The following PTPRK variants were observed in gnomAD, a reference collection of about 807,000 sequenced individuals.
PTPRK encodes the protein protein tyrosine phosphatase receptor type K.
Under a neutral mutation model 178.0 loss-of-function variants are expected in PTPRK, and 75 were observed. The ratio of observed to expected loss-of-function variants is 0.42; its 90% confidence interval spans 0.35 to 0.51. PTPRK has a LOEUF of 0.51. Among genes scored for constraint, PTPRK ranks in the 20% least tolerant of loss-of-function variants. PTPRK has a pLI of 0.02. For synonymous variants in PTPRK, 637 were observed against 620.6 expected (o/e 1.03, Z -0.39); for missense variants, 1,441 against 1,797.8 (o/e 0.80, Z 3.59).
chr6:128,204,018 C>T (rs1390192753), intron 6 of PTPRK, among the ~76,000 whole-genome samples: 1 of 152,204 alleles, frequency 6.6e-6, no homozygotes, highest in Admixed American at 6.5e-5. Flanking sequence ...TACCCAACTT[C>T]TAGCTACAGT....
At chr6:128,149,449 T>G (rs1318756853) in intron 7 of PTPRK, among the ~76,000 whole-genome samples, 1 of 152,174 alleles carries the variant, frequency 6.6e-6, no homozygotes, top group Non-Finnish European at 1.5e-5. Flanking sequence ...TTTTAACTTT[T>G]GAATAGTTGT....
chr6:128,299,274 T>C (rs1309594083), intron 3 of PTPRK, among the ~76,000 whole-genome samples: 1 of 150,186 alleles, frequency 6.7e-6, no homozygotes, highest in Admixed American at 6.6e-5. Context: ...AGAATCAATA[T>C]CATGAAAATG....
chr6:128,493,987 T>C (rs1355313451), intron 1 of PTPRK, among the ~76,000 whole-genome samples: 3 of 152,176 alleles, frequency 2.0e-5, no homozygotes, highest in East Asian at 1.9e-4. Flanking sequence ...AAGCCTAACA[T>C]AGTGCTGGTA....
In PTPRK at chr6:128,397,622, T is replaced by C; in HGVS notation, c.167A>G (p.Glu56Gly). The C allele has an allele frequency of 6.2e-7, 1 of 1,613,812 alleles. No individual in the cohort carries two copies. Among genetic ancestry groups the C allele is most frequent in the Middle Eastern group, 1.6e-4 (1 of 6,062 alleles). ...DYHQDLYDDF[E>G]WVHVSAQEPH... is the part of the protein sequence containing the mutation. ...CTCTTGAGCACTAACATGCACCCAT[T>C]CAAAGTCATCATACAGATCCTGGTG... is the stretch of plus-strand genomic sequence containing the variant. Residue 56 changes from glutamate to glycine, a missense_variant, in exon 2 of 30, where the codon GAA (glutamate) becomes GGA (glycine). Physicochemically the swap from Glu to Gly is moderately conservative, Grantham distance 98. This residue lies in a region of PTPRK where 158 missense variants were observed against 188.0 expected (regional missense o/e 0.84). Transcript: ENST00000368226.
At chr6:128,399,343 A>C (rs956485926) in intron 1 of PTPRK, among the ~76,000 whole-genome samples, 1 of 152,232 alleles carries the variant, frequency 6.6e-6, no homozygotes, top group South Asian at 2.1e-4. Context: ...ACAAGCTCTG[A>C]AATCTTTTCC....
intron 3 of PTPRK, among the ~76,000 whole-genome samples, chr6:128,268,847 C>T (rs1484759180): frequency 6.6e-6 from 1 of 151,986 alleles, no homozygotes; most frequent in Non-Finnish European, 1.5e-5. Context: ...TATATATTCT[C>T]TTAAGATAAA....
rs137952978 is a variant in PTPRK at position 128,224,217 on chromosome 6, C to T, written c.694-5121G>A. The stretch of plus-strand genomic sequence containing the variant: ...TAGCACTACTTTTTTTACCTGCTTT[C>T]CATCCCGCCCTCCAATCCATCTCAG... On this transcript the variant is annotated intron_variant, in intron 5 of 29. Transcript: ENST00000368226. Among the ~76,000 whole-genome samples, 21 of 152,220 alleles carry T rather than the reference C, an allele frequency of 1.4e-4. No homozygotes were observed. In the East Asian group the frequency reaches 2.7e-3, roughly 20 times the overall value.
intron 7 of PTPRK, among the ~76,000 whole-genome samples, chr6:128,178,318 C>A (rs560705298): frequency 6.6e-6 from 1 of 151,798 alleles, no homozygotes; most frequent in Non-Finnish European, 1.5e-5. Context: ...TGCAGTCCTG[C>A]GTGTGGCGAT....
At chr6:128,067,912 T>G (rs1782112966) in intron 11 of PTPRK, 120 bp from the exon 12 acceptor site, 1 of 992,172 alleles carries the variant, frequency 1.0e-6, no homozygotes, top group Non-Finnish European at 1.4e-6. Flanking sequence ...GTATTTAAAG[T>G]TAGTCTTAAC....
chr6:128,110,337 A>G (rs918150677), intron 7 of PTPRK, among the ~76,000 whole-genome samples: 1 of 152,178 alleles, frequency 6.6e-6, no homozygotes, highest in African/African-American at 2.4e-5. Context: ...AATGCTAGAC[A>G]TTGTCTAATG....
chr6:128,438,082 T>C (rs899745328), intron 1 of PTPRK, among the ~76,000 whole-genome samples: 1 of 152,136 alleles, frequency 6.6e-6, no homozygotes, highest in Non-Finnish European at 1.5e-5. Flanking sequence ...TGAAAAAATA[T>C]CCGGGTATAT....
chr6:128,254,496 C>T (rs528607864), intron 3 of PTPRK, among the ~76,000 whole-genome samples: 63 of 152,150 alleles, frequency 4.1e-4, no homozygotes, highest in African/African-American at 1.5e-3. Context: ...CACAAATATG[C>T]ATATCTATAT....
chr6:128,228,543 C>T (rs1358386437), intron 5 of PTPRK, among the ~76,000 whole-genome samples: 3 of 149,938 alleles, frequency 2.0e-5, no homozygotes, highest in African/African-American at 7.3e-5. Context: ...GCCTGTAGTT[C>T]CAGCTACTCG....
intron 2 of PTPRK, among the ~76,000 whole-genome samples, chr6:128,333,502 G>C (rs1453622610): frequency 6.6e-6 from 1 of 150,578 alleles, no homozygotes; most frequent in Non-Finnish European, 1.5e-5. Flanking sequence ...AGGTATATAA[G>C]ATATATAAAA....
At chr6:128,067,368 A>C in intron 12 of PTPRK, 151 bp downstream of exon 12, 1 of 812,556 alleles carries the variant, frequency 1.2e-6, no homozygotes, top group Non-Finnish European at 1.7e-6. Context: ...CTGTAGCCCC[A>C]AAACTGCGCA....
intron 2 of PTPRK, among the ~76,000 whole-genome samples, chr6:128,392,838 A>C (rs550629365): frequency 1.3e-5 from 2 of 152,336 alleles, no homozygotes; most frequent in South Asian, 4.1e-4. Context: ...GGTAATATTT[A>C]TAAAGACTAA....
At chr6:128,514,616 C>T (rs965549681) in intron 1 of PTPRK, among the ~76,000 whole-genome samples, 7 of 152,248 alleles carry the variant, frequency 4.6e-5, no homozygotes, top group Non-Finnish European at 7.4e-5. Flanking sequence ...AGTGGAAACA[C>T]GGATTATTCC....
rs536779688 is a variant in PTPRK at position 128,253,259 on chromosome 6, A to G, written c.496-10657T>C. Among the ~76,000 whole-genome samples, 3 of 152,358 alleles carry G rather than the reference A, an allele frequency of 2.0e-5. No individual in the cohort carries two copies. The East Asian group carries it at 5.8e-4, about 29-fold the overall frequency. On this transcript the variant is annotated intron_variant, in intron 3 of 29. Transcript: ENST00000368226. ...AAGGCAATTAAAAGAGGAAAATAAA[A>G]GTTTACTGAAATAATCCAAGATCTA... is the stretch of plus-strand genomic sequence containing the variant.
At chr6:128,157,902 T>C (rs910793348) in intron 7 of PTPRK, among the ~76,000 whole-genome samples, 5 of 152,090 alleles carry the variant, frequency 3.3e-5, no homozygotes, top group Admixed American at 1.3e-4. Flanking sequence ...TTCACTTTGA[T>C]GGTAGTTTCT....
Sources: gnomAD v4.1 joint callset for allele counts (sites outside exome capture counted in the v4.1 genomes callset) on GRCh38, gnomAD v4.1.1 for gene constraint, gnomAD v4.1.1 regional missense constraint, MANE v1.5 for transcripts, NCBI Gene and HGNC (gene_info 2026-07-23, HGNC 2026-07-21) for gene names.